Variants in PABPC4 observed in about 807,000 individuals in gnomAD.
The protein encoded by PABPC4 is polyadenylate-binding protein 4.
A neutral mutation model predicts 74.5 loss-of-function variants in PABPC4; 15 were observed. That is an observed-to-expected ratio of 0.20 (90% CI 0.13 to 0.31). The LOEUF (loss-of-function observed/expected upper bound fraction) is 0.31, where lower values mean the gene tolerates loss of function less well. PABPC4 is among the 10% of genes least tolerant of loss of function. The probability of loss-of-function intolerance (pLI) is 1.00; values close to 1 mark genes in which losing one functional copy is unlikely to be tolerated. For missense variants in PABPC4, 610 were observed against 853.5 expected (o/e 0.71, Z 3.55); for synonymous variants, 345 against 303.0 (o/e 1.14, Z -1.44).
intron 3 of PABPC4, chr1:39,571,032 G>C: frequency 6.9e-7 from 1 of 1,446,180 alleles, no homozygotes; most frequent in African/African-American, 1.4e-5. Flanking sequence ...GCAGGCCATG[G>C]CTTGGGCAGG....
chr1:39,572,745 T>G lies in PABPC4; in HGVS notation c.194-159A>C, dbSNP rs1481674854. Reference sequence around the variant, plus strand: ...GGCATCAGATTCCTCCAGCCTGCACTGTTAGTAAGGGAAGCATAAGTTCCA... The same window carrying G: ...GGCATCAGATTCCTCCAGCCTGCACGGTTAGTAAGGGAAGCATAAGTTCCA... On this transcript the variant is annotated intron_variant, in intron 1 of 15. Coordinates refer to ENST00000372858, the MANE Select transcript of PABPC4 (RefSeq NM_001135653.2). 4.4e-5 allele frequency: 24 copies of G among 550,186 alleles called. 1 individual carries two copies. In the South Asian group the frequency reaches 7.2e-4, roughly 17 times the overall value. The allele number at this position is 550,186 out of a possible 1,614,324, so 34.1% of individuals were successfully genotyped here. A position where few individuals can be genotyped will look rare whatever the true frequency, so the allele number is the denominator to read the frequency against.
rs779538157 is a variant in PABPC4 at position 39,562,093 on chromosome 1, G to A, written c.1873C>T (p.Pro625Ser). Residue 625 changes from proline (P) to serine (S), a missense_variant, in exon 14 of 16, where the codon CCC becomes TCC. This residue lies in a region of PABPC4 where 29 missense variants were observed against 51.6 expected (regional missense o/e 0.56). Coordinates refer to ENST00000372858, the MANE Select transcript of PABPC4 (RefSeq NM_001135653.2). ...CTCACCTTGGAGCGGAGAGACTCGG[G>A]GGACTCTAACATGTGCAGCAGCTCA... ...NSELLHMLESPESLRSKVDEA... is the reference protein window; with the variant it reads ...NSELLHMLESSESLRSKVDEA... 8 of 1,613,100 alleles carry A rather than the reference G, an allele frequency of 5.0e-6. No individual in the cohort carries two copies. The highest frequency in any genetic ancestry group is 6.8e-6 in the Non-Finnish European group (8 of 1,180,002).
rs576419957 is a variant in PABPC4, at chr1:39,576,355, T to C, written c.-404A>G. The C allele has an allele frequency of 1.7e-4, 27 of 156,704 alleles. No individual in the cohort carries two copies. Among genetic ancestry groups the C allele is most frequent in the Middle Eastern group, 3.1e-3 (1 of 326 alleles). 9.7% of individuals were successfully genotyped at this position (156,704 alleles called of 1,614,324 possible). A position where few individuals can be genotyped will look rare whatever the true frequency, so the allele number is the denominator to read the frequency against. Reference sequence around the variant, plus strand: ...GGGGACACGCGTTTCTCTATAAATATAGGCCTCGGGCTCCGGCGGTTTAAG... The same window carrying C: ...GGGGACACGCGTTTCTCTATAAATACAGGCCTCGGGCTCCGGCGGTTTAAG... On this transcript the variant is annotated 5_prime_UTR_variant, in exon 1 of 16. Transcript: ENST00000372858.
Position 39,564,682 on chromosome 1 carries a change from C to T in PABPC4, c.1333+4G>A. ...GCTGTCAATTACTGTTCCCCACCAC[C>T]TACCTTGAGGTCTCCCACCTTGCTG... On this transcript the variant is annotated splice_donor_region_variant and intron_variant, in intron 9 of 15. Coordinates refer to ENST00000372858, the MANE Select transcript of PABPC4 (RefSeq NM_001135653.2). 1 of 1,613,784 alleles carries T rather than the reference C, an allele frequency of 6.2e-7. No individual in the cohort carries two copies. Among genetic ancestry groups the T allele is most frequent in the Non-Finnish European group, 8.5e-7 (1 of 1,179,714 alleles).
Position 39,576,093 on chromosome 1 carries a change from C to T in PABPC4, c.-142G>A, listed in dbSNP as rs1391181744. 8.8e-6 allele frequency: 5 copies of T among 567,984 alleles called. No individual in the cohort carries two copies. In the East Asian group the frequency reaches 1.3e-4, roughly 15 times the overall value. 35.2% of individuals were successfully genotyped at this position (567,984 alleles called of 1,614,324 possible). A position where few individuals can be genotyped will look rare whatever the true frequency, so the allele number is the denominator to read the frequency against. On this transcript the variant is annotated 5_prime_UTR_variant, in exon 1 of 16. Transcript: ENST00000372858. The stretch of plus-strand genomic sequence containing the variant: ...CGCGGCGAGGACGAGCTGGAGTCGG[C>T]GGGCTTGGAGACGGGACGGAAACGG...
chr1:39,575,762 C>G lies in PABPC4; in HGVS notation c.190G>C (p.Asp64His). Residue 64 changes from aspartate to histidine, a missense_variant, in exon 1 of 16, where the codon GAC (aspartate) becomes CAC (histidine). Asp to His is a moderately conservative substitution (Grantham distance 81). Coordinates refer to ENST00000372858, the MANE Select transcript of PABPC4 (RefSeq NM_001135653.2). ...TGTGGGCACAGCTTCTACTCACCGTCGGCCGGCTGCTGGAAGTTGACGTAG... is the reference window on the plus strand; with the variant it reads ...TGTGGGCACAGCTTCTACTCACCGTGGGCCGGCTGCTGGAAGTTGACGTAG... ...YAYVNFQQPA[D>H]AERALDTMNF... 6.3e-7 allele frequency: 1 copy of G among 1,590,576 alleles called. No individual in the cohort carries two copies.
chr1:39,564,048 G>A (rs889708733), intron 10 of PABPC4, 126 bp from the exon 11 acceptor site: 28 of 765,834 alleles, frequency 3.7e-5, no homozygotes, highest in Non-Finnish European at 5.3e-5. Context: ...TACTACTTTC[G>A]AGGATGAGCC....
intron 5 of PABPC4, 97 bp from the exon 6 acceptor site, chr1:39,569,036 T>C: frequency 1.5e-6 from 2 of 1,313,612 alleles, no homozygotes; most frequent in Non-Finnish European, 2.1e-6. Flanking sequence ...ACTATAGGAC[T>C]AAAAACTAAA....
At chr1:39,566,953 GC>G (rs1268004643) in intron 7 of PABPC4, among the ~76,000 whole-genome samples, 1 of 152,166 alleles carries the variant, frequency 6.6e-6, no homozygotes, top group Non-Finnish European at 1.5e-5. Context: ...TCCACTAAGA[GC>G]CAGGGCAGGG....
intron 7 of PABPC4, among the ~76,000 whole-genome samples, chr1:39,566,986 A>G (rs570502862): frequency 6.9e-6 from 1 of 144,296 alleles, no homozygotes; most frequent in Non-Finnish European, 1.5e-5. Flanking sequence ...TTACCAGCCC[A>G]CGTGGCTTCC....
At chr1:39,561,551 C>G in intron 15 of PABPC4, 134 bp downstream of exon 15, 2 of 652,604 alleles carry the variant, frequency 3.1e-6, no homozygotes. Flanking sequence ...GCAACACACT[C>G]CGTGTAACTA....
chr1:39,571,618 G>A (rs1024237319), intron 2 of PABPC4: 18 of 530,052 alleles, frequency 3.4e-5, no homozygotes, highest in Non-Finnish European at 5.9e-5. Context: ...ATTGGGTGCT[G>A]TGGCTCATGC....
chr1:39,564,580 T>C lies in PABPC4; in HGVS notation c.1334-38A>G, dbSNP rs1336645593. ...AAAATTGCACATCATTGAGAAGTGATGTGGACCAGAACCTAGGCTGTGCCT... is the reference window on the plus strand; with the variant it reads ...AAAATTGCACATCATTGAGAAGTGACGTGGACCAGAACCTAGGCTGTGCCT... On this transcript the variant is annotated intron_variant, in intron 9 of 15. Coordinates refer to ENST00000372858, the MANE Select transcript of PABPC4 (RefSeq NM_001135653.2). 3 of 1,613,404 alleles carry C rather than the reference T, an allele frequency of 1.9e-6. No individual in the cohort carries two copies. In the African/African-American group the frequency reaches 4.0e-5, roughly 22 times the overall value.
intron 2 of PABPC4, 48 bp downstream of exon 2, chr1:39,572,345 T>C: frequency 7.3e-7 from 1 of 1,368,430 alleles, no homozygotes; most frequent in Non-Finnish European, 1.0e-6. Context: ...TATCTTGTTT[T>C]CAAGAATCAA....
chr1:39,565,133 A>C lies in PABPC4; in HGVS notation c.1218T>G (p.Gly406=), dbSNP rs777724484. ...AILNQFQPAA[G]GYFVPAVPQA... is the part of the protein sequence containing the mutation. ...GTGGGACTGCTGGCACAAAGTAGCC[A>C]CCCGCTGCAGGCTGGAACTGATTTA... Residue 406 remains glycine, a synonymous_variant, in exon 8 of 16, where the codon GGT becomes GGG. Coordinates refer to ENST00000372858, the MANE Select transcript of PABPC4 (RefSeq NM_001135653.2). 2.5e-6 allele frequency: 4 copies of C among 1,614,056 alleles called. No homozygotes were observed. In the South Asian group the frequency reaches 3.3e-5, roughly 13 times the overall value.
rs1479966467 is a variant in PABPC4, at chr1:39,576,523, G to C, written c.-572C>G. 1 of 149,420 alleles carries C rather than the reference G, an allele frequency of 6.7e-6. No homozygotes were observed. The highest frequency in any genetic ancestry group is 2.5e-5 in the African/African-American group (1 of 40,788). 9.3% of individuals were successfully genotyped at this position (149,420 alleles called of 1,614,324 possible). A position where few individuals can be genotyped will look rare whatever the true frequency, so the allele number is the denominator to read the frequency against. On this transcript the variant is annotated 5_prime_UTR_variant, in exon 1 of 16. Transcript: ENST00000372858. ...GGGGCTCGGGGCCCGAGCGGGGGGA[G>C]GGCACGGCGGGCCGGGCGGGCGGCT...
In PABPC4 at chr1:39,576,255, A is replaced by T. The variant is rs887276113; in HGVS notation, c.-304T>A. ...ATTTCAAAAAATCAAAGTAGGAAAA[A>T]AATTAAACGGGGAATCCCCTTCCGA... On this transcript the variant is annotated 5_prime_UTR_variant, in exon 1 of 16. Coordinates refer to ENST00000372858, the MANE Select transcript of PABPC4 (RefSeq NM_001135653.2). 3.3e-6 allele frequency: 1 copy of T among 307,520 alleles called. No homozygotes were observed. Among genetic ancestry groups the T allele is most frequent in the African/African-American group, 2.2e-5 (1 of 46,440 alleles). 19.0% of individuals were successfully genotyped at this position (307,520 alleles called of 1,614,324 possible).
chr1:39,566,207 G>C (rs910618441), intron 7 of PABPC4, among the ~76,000 whole-genome samples: 1 of 152,186 alleles, frequency 6.6e-6, no homozygotes, highest in African/African-American at 2.4e-5. Flanking sequence ...GAGTAGTACT[G>C]AGCAATTTAT....
Position 39,571,323 on chromosome 1 carries a change from C to CTTAG in PABPC4, c.410_413dup (p.Lys138AsnfsTer2). ...TCTCGAAGTGGACAAAGGCATAACC[C>CTTAG]TTAGAGCCGTTCTCATCACACACCA... On this transcript the variant is annotated stop_gained and frameshift_variant, in exon 3 of 16. Transcript: ENST00000372858. LOFTEE classifies it high-confidence loss of function. 1 of 1,614,156 alleles carries CTTAG rather than the reference C, an allele frequency of 6.2e-7. No homozygotes were observed. Among genetic ancestry groups the CTTAG allele is most frequent in the Non-Finnish European group, 8.5e-7 (1 of 1,180,028 alleles).
Sources: gnomAD v4.1 joint callset for allele counts (sites outside exome capture counted in the v4.1 genomes callset) on GRCh38, gnomAD v4.1.1 for gene constraint, gnomAD v4.1.1 regional missense constraint, MANE v1.5 for transcripts, NCBI Gene and HGNC (gene_info 2026-07-23, HGNC 2026-07-21) for gene names.